GPC5: variants seen among roughly 807,000 people sequenced by gnomAD.
The protein encoded by GPC5 is glypican 5.
GPC5 carries 47 observed loss-of-function variants against 53.9 expected under a neutral mutation model. The observed-to-expected ratio is 0.87, with a 90% CI of 0.69 to 1.11. The LOEUF is 1.11. Among genes scored for constraint, GPC5 ranks in the 50% most tolerant of loss-of-function variants. GPC5 has a pLI of 0.00. For missense variants in GPC5, 748 were observed against 713.1 expected (o/e 1.05, Z -0.56); for synonymous variants, 286 against 263.3 (o/e 1.09, Z -0.84).
At chr13:91,890,300 C>T (rs534493257) in intron 5 of GPC5, among the ~76,000 whole-genome samples, 1 of 152,108 alleles carries the variant, frequency 6.6e-6, no homozygotes, top group Non-Finnish European at 1.5e-5. Context: ...ATTTGGCAGG[C>T]TCTATTTTTA....
chr13:92,057,464 G>A (rs1386503072), intron 6 of GPC5, among the ~76,000 whole-genome samples: 2 of 152,146 alleles, frequency 1.3e-5, no homozygotes, highest in African/African-American at 4.8e-5. Flanking sequence ...AAGTTCAGGG[G>A]TAACTTGTTA....
At position 91,920,355 on chromosome 13, in the gene GPC5, AAC is replaced by A. The variant is rs561683383; in HGVS notation, c.1401+12304_1401+12305del. Among the ~76,000 whole-genome samples, 23 of 152,340 alleles carry A rather than the reference AAC, an allele frequency of 1.5e-4. No homozygotes were observed. The East Asian group carries it at 3.5e-3, about 23-fold the overall frequency. On this transcript the variant is annotated intron_variant, in intron 6 of 7. Transcript: ENST00000377067. ...AATCAAAGACATATTAAACAATCGC[AAC>A]ACACAAAAAGAGAAAGTAATAGGAA... is the stretch of plus-strand genomic sequence containing the variant.
chr13:91,694,474 G>A (rs1017736036), intron 3 of GPC5, among the ~76,000 whole-genome samples: 10 of 152,172 alleles, frequency 6.6e-5, no homozygotes, highest in African/African-American at 2.4e-4. Context: ...TTAAAATGTA[G>A]TGTATACACG....
At chr13:92,624,668 A>C (rs1438091870) in intron 7 of GPC5, among the ~76,000 whole-genome samples, 1 of 152,206 alleles carries the variant, frequency 6.6e-6, no homozygotes, top group Non-Finnish European at 1.5e-5. Flanking sequence ...AGATGGTCAG[A>C]TGGCACATGC....
intron 6 of GPC5, among the ~76,000 whole-genome samples, chr13:91,934,773 G>A (rs2039854587): frequency 6.6e-6 from 1 of 151,834 alleles, no homozygotes; most frequent in South Asian, 2.1e-4. Context: ...AGAGGCAACG[G>A]GACCCCAGAT....
intron 5 of GPC5, among the ~76,000 whole-genome samples, chr13:91,779,750 T>C (rs2037769364): frequency 6.6e-6 from 1 of 152,166 alleles, no homozygotes; most frequent in Admixed American, 6.5e-5. Flanking sequence ...TCAATATCAG[T>C]GTCTTCTGCC....
In GPC5 at chr13:92,792,095, A is replaced by G. The variant is rs186525643; in HGVS notation, c.1562-74187A>G. Among the ~76,000 whole-genome samples, 1,012 of 152,250 alleles carry G rather than the reference A, an allele frequency of 6.6e-3. 16 individuals are homozygous for G. The highest frequency in any genetic ancestry group is 0.023 in the African/African-American group (961 of 41,558). ...ATACTCCTAGAGAAGAGCAACCCCA[A>G]GACACATAATTGTCAGATTCACCAA... is the stretch of plus-strand genomic sequence containing the variant. On this transcript the variant is annotated intron_variant, in intron 7 of 7. Coordinates refer to ENST00000377067, the MANE Select transcript of GPC5 (RefSeq NM_004466.6).
chr13:91,770,517 A>T (rs980235758), intron 5 of GPC5, among the ~76,000 whole-genome samples: 20 of 152,158 alleles, frequency 1.3e-4, no homozygotes, highest in African/African-American at 4.6e-4. Context: ...AGATGCTCCT[A>T]TCACCCAGGA....
At position 92,360,262 on chromosome 13, in the gene GPC5, A is replaced by G. The variant is rs955234984; in HGVS notation, c.1561+215273A>G. Among the ~76,000 whole-genome samples, 3 of 151,736 alleles carry G rather than the reference A, an allele frequency of 2.0e-5. 1 individual carries two copies. The highest frequency in any genetic ancestry group is 7.3e-5 in the African/African-American group (3 of 40,996). On this transcript the variant is annotated intron_variant, in intron 7 of 7. Transcript: ENST00000377067. ...CCAAACTGAATCTAGCCGCACATCA[A>G]AAAATCGAATCCATCATAATCAAGT...
At chr13:91,508,894 C>T (rs576932259) in intron 2 of GPC5, among the ~76,000 whole-genome samples, 5 of 152,252 alleles carry the variant, frequency 3.3e-5, no homozygotes, top group African/African-American at 1.2e-4. Flanking sequence ...AATTTGCCCC[C>T]CAAAAAGCAT....
At chr13:92,014,527 T>C (rs916050781) in intron 6 of GPC5, among the ~76,000 whole-genome samples, 1 of 152,176 alleles carries the variant, frequency 6.6e-6, no homozygotes, top group Non-Finnish European at 1.5e-5. Context: ...ATTATTTTAC[T>C]TCCATATCTC....
At chr13:92,662,646 C>T (rs770199531) in intron 7 of GPC5, among the ~76,000 whole-genome samples, 20 of 152,116 alleles carry the variant, frequency 1.3e-4, no homozygotes, top group Non-Finnish European at 2.2e-4. Flanking sequence ...AGCTACTTGG[C>T]CCTTGCTTAA....
chr13:91,769,891 G>A lies in GPC5; in HGVS notation c.1280+13471G>A, dbSNP rs540906698. ...TCTCTTTGAACACCAACTGTATGTCGTATAATTCAACTGAATTACCACACT... is the reference window on the plus strand; with the variant it reads ...TCTCTTTGAACACCAACTGTATGTCATATAATTCAACTGAATTACCACACT... On this transcript the variant is annotated intron_variant, in intron 5 of 7. Coordinates refer to ENST00000377067, the MANE Select transcript of GPC5 (RefSeq NM_004466.6). Among the ~76,000 whole-genome samples, 14 of 152,152 alleles carry A rather than the reference G, an allele frequency of 9.2e-5. No homozygotes were observed. In the South Asian group the frequency reaches 1.0e-3, roughly 11 times the overall value.
chr13:92,343,183 C>T (rs995868091), intron 7 of GPC5, among the ~76,000 whole-genome samples: 1 of 152,138 alleles, frequency 6.6e-6, no homozygotes, highest in Non-Finnish European at 1.5e-5. Flanking sequence ...TATCAGAAAG[C>T]ACTGGGTGTT....
chr13:92,108,256 G>A (rs2041525728), intron 6 of GPC5, among the ~76,000 whole-genome samples: 1 of 152,120 alleles, frequency 6.6e-6, no homozygotes, highest in African/African-American at 2.4e-5. Flanking sequence ...TGCGTGATGG[G>A]TAATAAAAGG....
At chr13:91,881,498 T>C (rs541300882) in intron 5 of GPC5, among the ~76,000 whole-genome samples, 21 of 152,306 alleles carry the variant, frequency 1.4e-4, no homozygotes, top group African/African-American at 4.1e-4. Flanking sequence ...TCATTCAAGA[T>C]GATACATGGG....
chr13:92,373,255 G>A (rs1483045465), intron 7 of GPC5, among the ~76,000 whole-genome samples: 1 of 152,176 alleles, frequency 6.6e-6, no homozygotes. Context: ...AAACTAGTGT[G>A]AAAGAATGAT....
chr13:92,674,845 GCAT>G (rs1272056866), intron 7 of GPC5, among the ~76,000 whole-genome samples: 8 of 151,908 alleles, frequency 5.3e-5, no homozygotes, highest in Admixed American at 4.6e-4. Flanking sequence ...CAAAAATTCA[GCAT>G]CATCACTTTT....
At chr13:91,584,370 T>C (rs1171767795) in intron 2 of GPC5, among the ~76,000 whole-genome samples, 3 of 152,182 alleles carry the variant, frequency 2.0e-5, no homozygotes, top group Middle Eastern at 3.2e-3. Flanking sequence ...ATAAATTTGC[T>C]GGTTGGGTTA....
Sources: gnomAD v4.1 joint callset for allele counts (sites outside exome capture counted in the v4.1 genomes callset) on GRCh38, gnomAD v4.1.1 for gene constraint, MANE v1.5 for transcripts, NCBI Gene and HGNC (gene_info 2026-07-23, HGNC 2026-07-21) for gene names.